PCDH7: variants seen among roughly 807,000 people sequenced by gnomAD.
PCDH7 encodes the protein protocadherin-7.
A neutral mutation model predicts 58.9 loss-of-function variants in PCDH7; 17 were observed. The ratio of observed to expected loss-of-function variants is 0.29; its 90% CI spans 0.20 to 0.43. PCDH7 has a LOEUF of 0.43. Ranked by LOEUF, PCDH7 falls within the 20% of genes least tolerant of loss-of-function variation. The pLI is 1.00. For missense variants in PCDH7, 1,274 were observed against 1,441.0 expected (o/e 0.88, Z 1.88); for synonymous variants, 664 against 616.4 (o/e 1.08, Z -1.14).
chr4:30,993,671 A>T (rs934383993), intron 3 of PCDH7, among the ~76,000 whole-genome samples: 1 of 152,146 alleles, frequency 6.6e-6, no homozygotes, highest in African/African-American at 2.4e-5. Flanking sequence ...AAAATGTAGA[A>T]GTTTTATTTT....
At chr4:31,075,100 G>T (rs569260748) in intron 3 of PCDH7, among the ~76,000 whole-genome samples, 75 of 152,062 alleles carry the variant, frequency 4.9e-4, no homozygotes, top group Non-Finnish European at 8.2e-4. Context: ...GTAGATAAAA[G>T]TGATGGAATT....
At chr4:30,779,431 G>A (rs1446654822) in intron 1 of PCDH7, among the ~76,000 whole-genome samples, 1 of 152,104 alleles carries the variant, frequency 6.6e-6, no homozygotes, top group African/African-American at 2.4e-5. Flanking sequence ...TTAAATCAAT[G>A]TCTTAGTGTT....
chr4:31,043,134 C>A (rs1016723396), intron 3 of PCDH7, among the ~76,000 whole-genome samples: 1 of 152,092 alleles, frequency 6.6e-6, no homozygotes, highest in Non-Finnish European at 1.5e-5. Context: ...CTCTTAAAGA[C>A]CTCATCTCGT....
intron 1 of PCDH7, among the ~76,000 whole-genome samples, chr4:30,772,651 G>A (rs1352290279): frequency 6.6e-6 from 1 of 152,212 alleles, no homozygotes; most frequent in Non-Finnish European, 1.5e-5. Flanking sequence ...GAAGGACTGT[G>A]ACTCTAGCAA....
At chr4:30,970,411 C>T (rs765620980) in intron 3 of PCDH7, among the ~76,000 whole-genome samples, 2 of 152,048 alleles carry the variant, frequency 1.3e-5, no homozygotes, top group Non-Finnish European at 2.9e-5. Context: ...TCTCCTGCCT[C>T]AGCCTCCCCA....
At chr4:30,922,948 A>T (rs1246732656) in intron 2 of PCDH7, among the ~76,000 whole-genome samples, 1 of 152,204 alleles carries the variant, frequency 6.6e-6, no homozygotes, top group Non-Finnish European at 1.5e-5. Flanking sequence ...TGGTAATTTC[A>T]TCTTCAGTAT....
In PCDH7 at chr4:30,723,981, A is replaced by T. The variant is rs373151466; in HGVS notation, c.2559A>T (p.Ile853=). 4.3e-6 allele frequency: 7 copies of T among 1,614,054 alleles called. No homozygotes were observed. The highest frequency in any genetic ancestry group is 5.9e-6 in the Non-Finnish European group (7 of 1,180,054). ...ATGCAACTGCGATTGACTCCCAGAT[A>T]GCTAGAAGTTTGCACATCCCACTCA... is the stretch of plus-strand genomic sequence containing the variant. The change falls in exon 1 of 2, where the codon ATA becomes ATT. Residue 853 remains isoleucine, a synonymous_variant. Coordinates refer to ENST00000361762, the Ensembl canonical transcript of PCDH7. The surrounding 1 kb of genome is among the most constrained non-coding windows in gnomAD (Gnocchi z 4.6).
At chr4:30,727,379 A>G (rs1331751259) in intron 1 of PCDH7, among the ~76,000 whole-genome samples, 5 of 151,912 alleles carry the variant, frequency 3.3e-5, no homozygotes, top group African/African-American at 4.8e-5. Flanking sequence ...TTAACTGCTT[A>G]CTTTTTGTTT....
intron 3 of PCDH7, among the ~76,000 whole-genome samples, chr4:31,072,333 A>G (rs1449891102): frequency 2.0e-5 from 3 of 152,114 alleles, no homozygotes; most frequent in Non-Finnish European, 4.4e-5. Context: ...AGAGTGGTAT[A>G]AATAAGATCA....
At chr4:30,955,263 A>G (rs960601439) in intron 3 of PCDH7, among the ~76,000 whole-genome samples, 1 of 151,962 alleles carries the variant, frequency 6.6e-6, no homozygotes, top group Non-Finnish European at 1.5e-5. Flanking sequence ...CAGAAGACAG[A>G]TGAGGGATTC....
intron 1 of PCDH7, among the ~76,000 whole-genome samples, chr4:30,880,861 CAG>C: frequency 6.6e-6 from 1 of 152,226 alleles, no homozygotes; most frequent in East Asian, 1.9e-4. Context: ...AGCCAAGAGG[CAG>C]AGTCTTGTCA....
intron 1 of PCDH7, among the ~76,000 whole-genome samples, chr4:30,776,653 A>T (rs958028175): frequency 6.6e-6 from 1 of 152,164 alleles, no homozygotes; most frequent in African/African-American, 2.4e-5. Context: ...GAGAATTATC[A>T]TTGAAAAAAA....
intron 1 of PCDH7, among the ~76,000 whole-genome samples, chr4:30,898,644 G>A (rs1739764593): frequency 6.6e-6 from 1 of 152,168 alleles, no homozygotes; most frequent in Non-Finnish European, 1.5e-5. Context: ...AGGCTGGAGT[G>A]CAGTGGCGCG....
intron 2 of PCDH7, among the ~76,000 whole-genome samples, chr4:30,945,858 A>G (rs1025065985): frequency 6.6e-6 from 1 of 151,970 alleles, no homozygotes; most frequent in African/African-American, 2.4e-5. Context: ...TCTTAATTCC[A>G]TCGGGCCACA....
intron 3 of PCDH7, among the ~76,000 whole-genome samples, chr4:31,064,172 A>C (rs1415643078): frequency 6.6e-6 from 1 of 152,074 alleles, no homozygotes; most frequent in Non-Finnish European, 1.5e-5. Flanking sequence ...TGCCAACAGA[A>C]GAAAATCAGA....
At chr4:30,754,308 A>T (rs1376703222) in intron 1 of PCDH7, among the ~76,000 whole-genome samples, 1 of 152,102 alleles carries the variant, frequency 6.6e-6, no homozygotes, top group African/African-American at 2.4e-5. Context: ...GATAATTCCC[A>T]AGTCATTTGT....
chr4:30,747,814 G>A (rs543949630), intron 1 of PCDH7, among the ~76,000 whole-genome samples: 52 of 152,166 alleles, frequency 3.4e-4, no homozygotes, highest in Non-Finnish European at 6.5e-4. Flanking sequence ...GCATACTACA[G>A]GTCTGATTGG....
intron 3 of PCDH7, among the ~76,000 whole-genome samples, chr4:31,115,865 C>A (rs1279954263): frequency 6.6e-6 from 1 of 152,126 alleles, no homozygotes; most frequent in Non-Finnish European, 1.5e-5. Context: ...CACATTTATT[C>A]TTTTTCTTCC....
intron 3 of PCDH7, among the ~76,000 whole-genome samples, chr4:31,093,697 T>C (rs1311102223): frequency 6.6e-6 from 1 of 152,146 alleles, no homozygotes; most frequent in East Asian, 1.9e-4. Flanking sequence ...ACATTGCAAG[T>C]CATCTTTGGT....
Sources: gnomAD v4.1 joint callset for allele counts (sites outside exome capture counted in the v4.1 genomes callset) on GRCh38, gnomAD v4.1.1 for gene constraint, Gnocchi (gnomAD v3.1) non-coding constraint, MANE v1.5 for transcripts, NCBI Gene and HGNC (gene_info 2026-07-23, HGNC 2026-07-21) for gene names.